Variants in EVA1A observed in about 807,000 individuals in gnomAD.
EVA1A encodes eva-1 homolog A, regulator of programmed cell death.
Under a neutral mutation model 9.8 loss-of-function variants are expected in EVA1A, and 7 were observed. That is an observed-to-expected ratio of 0.71 (90% CI 0.41 to 1.34). The LOEUF (loss-of-function observed/expected upper bound fraction) is 1.34. Ranked by LOEUF, EVA1A falls within the 40% of genes most tolerant of loss-of-function variation. The pLI, the probability that EVA1A is intolerant of heterozygous loss-of-function variation, is 0.01. For synonymous variants in EVA1A, 90 were observed against 85.6 expected (o/e 1.05, Z -0.28); for missense variants, 206 against 205.9 (o/e 1.00, Z 0.00).
At chr2:75,508,551 A>T (rs1239453385) in intron 3 of EVA1A, among the ~76,000 whole-genome samples, 1 of 152,122 alleles carries the variant, frequency 6.6e-6, no homozygotes, top group Non-Finnish European at 1.5e-5. Flanking sequence ...ATCAATGACA[A>T]TGGTACCCGA....
chr2:75,542,870 T>C lies in EVA1A; in HGVS notation c.-192+17810A>G, dbSNP rs139612656. ...TTTGGAAAGGTAGGTTGGAATCATATTGTGACTCCAGGGTAATAGTTAAAA... is the reference window on the plus strand; with the variant it reads ...TTTGGAAAGGTAGGTTGGAATCATACTGTGACTCCAGGGTAATAGTTAAAA... On this transcript the variant is annotated intron_variant, in intron 1 of 3. Coordinates refer to ENST00000393913, the MANE Select transcript of EVA1A (RefSeq NM_001135032.2). Among the ~76,000 whole-genome samples, 444 of 152,254 alleles carry C rather than the reference T, an allele frequency of 2.9e-3. 7 individuals are homozygous for C. The highest frequency in any genetic ancestry group is 6.8e-4 in the Non-Finnish European group (46 of 68,020).
intron 1 of EVA1A, among the ~76,000 whole-genome samples, chr2:75,568,375 T>C (rs1410898031): frequency 6.7e-6 from 1 of 150,154 alleles, no homozygotes; most frequent in Non-Finnish European, 1.5e-5. Context: ...TAATATTAAG[T>C]AATAATTATT....
intron 3 of EVA1A, among the ~76,000 whole-genome samples, chr2:75,504,427 A>T (rs1227299051): frequency 6.6e-6 from 1 of 152,174 alleles, no homozygotes; most frequent in Non-Finnish European, 1.5e-5. Flanking sequence ...ACAAACAAAC[A>T]AACAAACAAA....
intron 1 of EVA1A, among the ~76,000 whole-genome samples, chr2:75,546,597 GA>G (rs371329864): frequency 5.0e-4 from 76 of 152,258 alleles, no homozygotes; most frequent in Middle Eastern, 3.4e-3. Context: ...CTTGGAGAAG[GA>G]ACTGAATTGA....
At chr2:75,559,829 T>C (rs1457813485) in intron 1 of EVA1A, among the ~76,000 whole-genome samples, 5 of 152,038 alleles carry the variant, frequency 3.3e-5, no homozygotes, top group Admixed American at 6.5e-5. Flanking sequence ...GGCCCTTTCC[T>C]AGCTAGCTGT....
At chr2:75,556,421 T>G (rs718507) in intron 1 of EVA1A, among the ~76,000 whole-genome samples, 94,936 of 152,032 alleles carry the variant, frequency 0.62, 30,066 homozygotes, top group African/African-American at 0.67. Context: ...CTGGCACCAA[T>G]CCTGACATCC....
At chr2:75,517,950 C>T (rs369754973) in intron 3 of EVA1A, 106 bp downstream of exon 3, 116 of 1,286,476 alleles carry the variant, frequency 9.0e-5, no homozygotes, top group Non-Finnish European at 1.2e-4. Context: ...GCTTTGATTA[C>T]GTAGTGTGTC....
chr2:75,501,273 T>C (rs763068156), intron 3 of EVA1A, among the ~76,000 whole-genome samples: 6 of 152,158 alleles, frequency 3.9e-5, no homozygotes, highest in Non-Finnish European at 7.3e-5. Context: ...TAAAACTGAG[T>C]CTTTCTTACA....
chr2:75,535,897 A>G (rs1176681576), intron 1 of EVA1A, among the ~76,000 whole-genome samples: 2 of 152,160 alleles, frequency 1.3e-5, no homozygotes, highest in African/African-American at 4.8e-5. Context: ...CATCCATGTA[A>G]CCAAAAAATA....
chr2:75,515,026 G>A (rs533964270), intron 3 of EVA1A, among the ~76,000 whole-genome samples: 42 of 152,190 alleles, frequency 2.8e-4, no homozygotes, highest in African/African-American at 7.7e-4. Flanking sequence ...AATGTTAATC[G>A]CATTGCAGTT....
intron 1 of EVA1A, among the ~76,000 whole-genome samples, chr2:75,557,188 G>A (rs1278602283): frequency 6.6e-6 from 1 of 152,208 alleles, no homozygotes; most frequent in Non-Finnish European, 1.5e-5. Context: ...AAATGTGCAG[G>A]TATTTGTGTA....
intron 3 of EVA1A, among the ~76,000 whole-genome samples, chr2:75,503,324 C>T (rs540570653): frequency 2.4e-4 from 36 of 152,218 alleles, no homozygotes; most frequent in Non-Finnish European, 3.8e-4. Flanking sequence ...TTGACCAGAT[C>T]CAGACAGCTG....
chr2:75,505,601 A>C (rs1230474436), intron 3 of EVA1A, among the ~76,000 whole-genome samples: 3 of 152,158 alleles, frequency 2.0e-5, no homozygotes, highest in Admixed American at 1.3e-4. Context: ...TCACAAGGTC[A>C]GGAGTTCAAT....
At chr2:75,525,598 C>T (rs1675405774) in intron 1 of EVA1A, among the ~76,000 whole-genome samples, 1 of 152,192 alleles carries the variant, frequency 6.6e-6, no homozygotes, top group African/African-American at 2.4e-5. Flanking sequence ...GTTCCTGGCA[C>T]ATAAGTGCTT....
At chr2:75,541,051 G>A (rs779459131) in intron 1 of EVA1A, among the ~76,000 whole-genome samples, 6 of 152,156 alleles carry the variant, frequency 3.9e-5, no homozygotes, top group Non-Finnish European at 7.4e-5. Context: ...GGAGTCACTC[G>A]CATGGTGTGA....
rs372435124 is a variant in EVA1A, at chr2:75,493,390, C to T, written c.305G>A (p.Arg102His). 2 of 1,614,252 alleles carry T rather than the reference C, an allele frequency of 1.2e-6. No individual in the cohort carries two copies. Among genetic ancestry groups the T allele is most frequent in the Non-Finnish European group, 1.7e-6 (2 of 1,180,048 alleles). ...ATTCTTGTTCAAAGTCCTCTCGAAG[C>T]GGCGGTGTCTCCGCACGGAGAGATC... ...VSDLSVRRHR[R>H]FERTLNKNVF... The change falls in exon 4 of 4, where the codon CGC becomes CAC. Residue 102 changes from arginine (R) to histidine (H), a missense_variant. Physicochemically the swap from Arg to His is conservative, Grantham distance 29. Coordinates refer to ENST00000393913, the MANE Select transcript of EVA1A (RefSeq NM_001135032.2).
chr2:75,536,833 A>C (rs752421635), intron 1 of EVA1A, among the ~76,000 whole-genome samples: 4 of 152,144 alleles, frequency 2.6e-5, no homozygotes, highest in Admixed American at 6.5e-5. Flanking sequence ...CCAAAAAAAA[A>C]CAACTTCAGG....
intron 3 of EVA1A, among the ~76,000 whole-genome samples, chr2:75,508,809 T>C (rs1298024902): frequency 6.6e-6 from 1 of 152,100 alleles, no homozygotes; most frequent in South Asian, 2.1e-4. Flanking sequence ...AATTTCTCTC[T>C]TTTGTACTCT....
chr2:75,552,532 C>T (rs1014184705), intron 1 of EVA1A, among the ~76,000 whole-genome samples: 11 of 152,174 alleles, frequency 7.2e-5, no homozygotes, highest in Non-Finnish European at 1.3e-4. Flanking sequence ...ATTCTCCACC[C>T]TAATTACCAG....
Sources: gnomAD v4.1 joint callset for allele counts (sites outside exome capture counted in the v4.1 genomes callset) on GRCh38, gnomAD v4.1.1 for gene constraint, MANE v1.5 for transcripts, NCBI Gene and HGNC (gene_info 2026-07-23, HGNC 2026-07-21) for gene names.